Variants in ZDHHC15 observed in about 807,000 individuals in gnomAD.
ZDHHC15 encodes palmitoyltransferase ZDHHC15.
Under a neutral mutation model 31.7 loss-of-function variants are expected in ZDHHC15, and 19 were observed. The ratio of observed to expected loss-of-function variants is 0.60; its 90% CI spans 0.42 to 0.88. ZDHHC15 has a LOEUF of 0.88. Ranked by LOEUF, ZDHHC15 falls within the 40% of genes least tolerant of loss-of-function variation. ZDHHC15 has a pLI of 0.00. For synonymous variants in ZDHHC15, 103 were observed against 90.0 expected (o/e 1.14, Z -0.82); for missense variants, 209 against 251.2 (o/e 0.83, Z 1.14).
At chrX:75,430,971 A>T (rs2083773166) in intron 5 of ZDHHC15, among the ~76,000 whole-genome samples, 1 of 111,712 alleles carries the variant, frequency 9.0e-6, no homozygotes, top group Non-Finnish European at 1.9e-5. Flanking sequence ...GCCACAGCTA[A>T]GAGAAGCTAA....
chrX:75,408,182 C>T (rs773103642), intron 10 of ZDHHC15, among the ~76,000 whole-genome samples: 19 of 104,591 alleles, frequency 1.8e-4, no homozygotes, highest in South Asian at 4.6e-4. Context: ...TCCCCCTCTC[C>T]GAGAAACACC....
At chrX:75,521,511 G>C (rs2085441002) in intron 1 of ZDHHC15, among the ~76,000 whole-genome samples, 1 of 110,985 alleles carries the variant, frequency 9.0e-6, no homozygotes, top group Non-Finnish European at 1.9e-5. Flanking sequence ...GGAGAGACTT[G>C]GGGTTTGTGT....
chrX:75,469,896 G>GT (rs371487935), intron 3 of ZDHHC15, among the ~76,000 whole-genome samples: 31 of 111,610 alleles, frequency 2.8e-4, no homozygotes, highest in African/African-American at 3.9e-4. Flanking sequence ...CTGTTTTACA[G>GT]TTTTTTTTAT....
chrX:75,397,326 C>A (rs368233395), intron 10 of ZDHHC15, among the ~76,000 whole-genome samples: 21 of 96,134 alleles, frequency 2.2e-4, no homozygotes, highest in Non-Finnish European at 2.9e-4. Flanking sequence ...GACTCCATCT[C>A]AAAAAAAAAA....
intron 2 of ZDHHC15, among the ~76,000 whole-genome samples, chrX:75,485,593 G>A (rs2084765398): frequency 9.0e-6 from 1 of 111,472 alleles, no homozygotes; most frequent in Non-Finnish European, 1.9e-5. Flanking sequence ...AGGCAAAGGA[G>A]GATGGGAGGT....
At chrX:75,492,768 A>G (rs762145572) in intron 2 of ZDHHC15, among the ~76,000 whole-genome samples, 2 of 112,024 alleles carry the variant, frequency 1.8e-5, no homozygotes, top group East Asian at 5.6e-4. Flanking sequence ...AATCTCTGGG[A>G]CACATTCAAA....
At chrX:75,433,656 AGTGTGTGTGTGTGTGTGTGT>A (rs138064587) in intron 4 of ZDHHC15, among the ~76,000 whole-genome samples, 611 of 53,521 alleles carry the variant, frequency 0.011, 2 homozygotes, top group Non-Finnish European at 0.019. Context: ...ATGGCTGAGT[AGTGTGTGTGTGTGTGTGTGT>A]GTGTGTGTGT....
chrX:75,372,544 C>A lies in ZDHHC15; in HGVS notation c.*434G>T, dbSNP rs2083014426. 2 of 111,545 alleles carry A rather than the reference C, an allele frequency of 1.8e-5. No individual in the cohort carries two copies. The highest frequency in any genetic ancestry group is 6.5e-5 in the African/African-American group (2 of 30,727). The allele number at this position is 111,545 out of a possible 1,213,427, so 9.2% of individuals were successfully genotyped here. On this transcript the variant is annotated 3_prime_UTR_variant, in exon 12 of 12. Transcript: ENST00000373367. ...GTTCACAAATGCACACGCACACAAG[C>A]AGCAAATGTAGTTTGATTCCCTTCA...
chrX:75,419,937 T>C (rs2083602020), intron 9 of ZDHHC15, among the ~76,000 whole-genome samples: 1 of 65,820 alleles, frequency 1.5e-5, no homozygotes, highest in East Asian at 5.6e-4. Context: ...CATCACACAC[T>C]GGGGTCTGTT....
At chrX:75,506,702 C>T (rs181596185) in intron 1 of ZDHHC15, among the ~76,000 whole-genome samples, 52 of 112,326 alleles carry the variant, frequency 4.6e-4, no homozygotes, top group African/African-American at 1.7e-3. Flanking sequence ...ATCAGTCAAC[C>T]TGGGACTTCA....
chrX:75,508,293 C>A (rs2085200771), intron 1 of ZDHHC15, among the ~76,000 whole-genome samples: 1 of 60,248 alleles, frequency 1.7e-5, no homozygotes, highest in African/African-American at 6.8e-5. Flanking sequence ...TATCCCTCCC[C>A]CCTCCCCCCA....
rs186018154 is a variant in ZDHHC15, at chrX:75,475,816, C to T, written c.258+3075G>A. 2.1e-4 allele frequency among the ~76,000 whole-genome samples: 23 copies of T among 111,934 alleles called. 1 individual carries two copies. The highest frequency in any genetic ancestry group is 1.4e-3 in the Admixed American group (15 of 10,549). Reference sequence around the variant, plus strand: ...TATAGATTGATTTGGATAGTATTTACGTTTTAACAATATTAACTCTTCCAA... The same window carrying T: ...TATAGATTGATTTGGATAGTATTTATGTTTTAACAATATTAACTCTTCCAA... On this transcript the variant is annotated intron_variant, in intron 3 of 11. Coordinates refer to ENST00000373367, the MANE Select transcript of ZDHHC15 (RefSeq NM_144969.3).
intron 7 of ZDHHC15, 124 bp from the exon 8 acceptor site, chrX:75,424,908 C>G: frequency 1.3e-6 from 1 of 785,954 alleles, no homozygotes; most frequent in South Asian, 4.0e-5. Context: ...AAAATAGATT[C>G]TGTAAAATTT....
intron 4 of ZDHHC15, among the ~76,000 whole-genome samples, chrX:75,436,876 TG>T (rs1213873022): frequency 4.4e-5 from 5 of 112,506 alleles, no homozygotes; most frequent in Non-Finnish European, 7.5e-5. Context: ...TTGTTTATTT[TG>T]TTTTGTTTTG....
chrX:75,371,586 T>G lies in ZDHHC15; in HGVS notation c.*1392A>C, dbSNP rs1056620878. ...GGCAACTCTTTTTTACTCAAACATATTTCAGGGAAGATAAATTAGTAAGCC... is the reference window on the plus strand; with the variant it reads ...GGCAACTCTTTTTTACTCAAACATAGTTCAGGGAAGATAAATTAGTAAGCC... On this transcript the variant is annotated 3_prime_UTR_variant, in exon 12 of 12. Transcript: ENST00000373367. 1 of 111,639 alleles carries G rather than the reference T, an allele frequency of 9.0e-6. No homozygotes were observed. The highest frequency in any genetic ancestry group is 1.9e-5 in the Non-Finnish European group (1 of 53,096). The allele number at this position is 111,639 out of a possible 1,213,427, so 9.2% of individuals were successfully genotyped here.
intron 3 of ZDHHC15, among the ~76,000 whole-genome samples, chrX:75,466,865 G>A (rs2084414766): frequency 1.1e-5 from 1 of 91,975 alleles, no homozygotes; most frequent in African/African-American, 4.0e-5. Context: ...GACACAGGAA[G>A]AGGAACAACA....
intron 7 of ZDHHC15, among the ~76,000 whole-genome samples, chrX:75,425,205 C>T (rs2083696958): frequency 9.7e-6 from 1 of 102,966 alleles, no homozygotes; most frequent in South Asian, 4.8e-4. Context: ...CTTGGGCATG[C>T]GTGTATTGAA....
chrX:75,406,188 A>G (rs1244443651), intron 10 of ZDHHC15, among the ~76,000 whole-genome samples: 2 of 111,402 alleles, frequency 1.8e-5, no homozygotes, highest in Non-Finnish European at 3.8e-5. Context: ...TAAAATCTAT[A>G]GGACACAGCA....
At chrX:75,499,190 A>T (rs2886929) in intron 2 of ZDHHC15, among the ~76,000 whole-genome samples, 19,936 of 110,706 alleles carry the variant, frequency 0.18, 1,963 homozygotes, top group East Asian at 0.85. Context: ...CCAGAAAATA[A>T]CATGGGGAAA....
Sources: allele counts gnomAD v4.1 joint callset (sites outside exome capture counted in the v4.1 genomes callset), GRCh38; gene constraint gnomAD v4.1.1; transcripts MANE v1.5; gene names NCBI Gene and HGNC (gene_info 2026-07-23, HGNC 2026-07-21).